Variants in ZBTB5 observed in about 807,000 individuals in gnomAD.
The protein encoded by ZBTB5 is zinc finger and BTB domain-containing protein 5.
Under a neutral mutation model 37.9 loss-of-function variants are expected in ZBTB5, and 15 were observed. The observed-to-expected ratio is 0.40, with a 90% CI of 0.26 to 0.61. ZBTB5 has a LOEUF of 0.61. Ranked by LOEUF, ZBTB5 falls within the 20% of genes least tolerant of loss-of-function variation. The pLI is 0.47. For synonymous variants in ZBTB5, 315 were observed against 312.4 expected (o/e 1.01, Z -0.09); for missense variants, 708 against 856.8 (o/e 0.83, Z 2.17).
At position 37,463,855 on chromosome 9, in the gene ZBTB5, C is replaced by CA. The variant is rs570438860; in HGVS notation, c.-5+1359dup. The stretch of plus-strand genomic sequence containing the variant: ...TAAACGAGTTGACTTCAGGACTCTT[C>CA]AAAAAAAGAGTCTGTTTATTCAGCA... On this transcript the variant is annotated intron_variant, in intron 1 of 1. Coordinates refer to ENST00000307750, the MANE Select transcript of ZBTB5 (RefSeq NM_014872.3). Among the ~76,000 whole-genome samples the CA allele has an allele frequency of 6.7e-4, 102 of 152,078 alleles. 1 individual carries two copies. Among genetic ancestry groups the CA allele is most frequent in the African/African-American group, 2.1e-3 (88 of 41,492 alleles).
intron 1 of ZBTB5, among the ~76,000 whole-genome samples, chr9:37,450,470 G>GTAA (rs1392956929): frequency 6.6e-6 from 1 of 152,172 alleles, no homozygotes; most frequent in Admixed American, 6.5e-5. Context: ...AGAAGAATGA[G>GTAA]TAATATGCAT....
At chr9:37,448,713 G>C (rs1450509263) in intron 1 of ZBTB5, among the ~76,000 whole-genome samples, 1 of 152,172 alleles carries the variant, frequency 6.6e-6, no homozygotes, top group Non-Finnish European at 1.5e-5. Context: ...AATTAAAACA[G>C]AAAATTTAAA....
chr9:37,445,090 T>A (rs1588776034), intron 1 of ZBTB5, among the ~76,000 whole-genome samples: 1 of 147,704 alleles, frequency 6.8e-6, no homozygotes. Flanking sequence ...AATGATTAAC[T>A]CCAGGAAAAA....
intron 1 of ZBTB5, among the ~76,000 whole-genome samples, chr9:37,459,811 T>C (rs1308188678): frequency 6.6e-6 from 1 of 151,142 alleles, no homozygotes; most frequent in East Asian, 2.0e-4. Context: ...CCCGGGTTCA[T>C]GCCATTCTCC....
intron 1 of ZBTB5, among the ~76,000 whole-genome samples, chr9:37,457,699 T>A (rs982079492): frequency 2.0e-5 from 3 of 152,216 alleles, no homozygotes; most frequent in Admixed American, 2.0e-4. Flanking sequence ...AAAGAACCTC[T>A]CAATGGTTTG....
intron 1 of ZBTB5, among the ~76,000 whole-genome samples, chr9:37,453,844 G>C (rs1395050941): frequency 6.6e-6 from 1 of 152,186 alleles, no homozygotes; most frequent in African/African-American, 2.4e-5. Context: ...TCTCAACCCA[G>C]ATTACAAACT....
intron 1 of ZBTB5, among the ~76,000 whole-genome samples, chr9:37,465,013 C>G (rs547126166): frequency 6.6e-6 from 1 of 152,160 alleles, no homozygotes; most frequent in East Asian, 1.9e-4. Flanking sequence ...CGTCGGGACA[C>G]CGGGGACGCC....
intron 1 of ZBTB5, among the ~76,000 whole-genome samples, chr9:37,457,543 A>G (rs1824213818): frequency 6.6e-6 from 1 of 152,244 alleles, no homozygotes; most frequent in Non-Finnish European, 1.5e-5. Flanking sequence ...CTAATGTTTT[A>G]AAGTGCTTAC....
At position 37,449,109 on chromosome 9, in the gene ZBTB5, G is replaced by A. The variant is rs138962219; in HGVS notation, c.-4-6554C>T. On this transcript the variant is annotated intron_variant, in intron 1 of 1. Coordinates refer to ENST00000307750, the MANE Select transcript of ZBTB5 (RefSeq NM_014872.3). ...ACATTTTAATAAACAACTGGGCCGG[G>A]CACGGTGGCTTACACCTGTAAAACT... is the stretch of plus-strand genomic sequence containing the variant. Among the ~76,000 whole-genome samples the A allele has an allele frequency of 3.2e-3, 483 of 152,266 alleles. 3 individuals carry two copies. The highest frequency in any genetic ancestry group is 0.011 in the African/African-American group (464 of 41,552).
intron 1 of ZBTB5, among the ~76,000 whole-genome samples, chr9:37,451,683 C>A (rs1381464226): frequency 2.0e-5 from 3 of 150,724 alleles, no homozygotes; most frequent in African/African-American, 7.3e-5. Flanking sequence ...TTAGAAAAAA[C>A]TGTCATTATC....
At chr9:37,451,294 C>T (rs1824098583) in intron 1 of ZBTB5, among the ~76,000 whole-genome samples, 1 of 152,106 alleles carries the variant, frequency 6.6e-6, no homozygotes, top group South Asian at 2.1e-4. Flanking sequence ...TGGCTAGGCA[C>T]GGTGGCTCAC....
chr9:37,444,387 CAG>C (rs1008098760), intron 1 of ZBTB5, among the ~76,000 whole-genome samples: 5 of 152,054 alleles, frequency 3.3e-5, no homozygotes, highest in East Asian at 3.9e-4. Flanking sequence ...TTAGTAGAGA[CAG>C]GGGTTTTACC....
At chr9:37,444,258 G>A (rs1368224916) in intron 1 of ZBTB5, among the ~76,000 whole-genome samples, 1 of 152,180 alleles carries the variant, frequency 6.6e-6, no homozygotes, top group Non-Finnish European at 1.5e-5. Context: ...GAGTACAGTG[G>A]CGCAATGTCG....
At position 37,445,440 on chromosome 9, in the gene ZBTB5, T is replaced by C. The variant is rs1212794695; in HGVS notation, c.-4-2885A>G. Among the ~76,000 whole-genome samples the C allele has an allele frequency of 6.6e-5, 10 of 151,800 alleles. 1 individual carries two copies. The East Asian group carries it at 1.7e-3, about 26-fold the overall frequency. On this transcript the variant is annotated intron_variant, in intron 1 of 1. Transcript: ENST00000307750. ...GGTGGGTCCCTTGAGCCCCCAGGAG[T>C]TCAAGACCAGCCTGGGCAACATGGG...
intron 1 of ZBTB5, among the ~76,000 whole-genome samples, chr9:37,451,374 C>G (rs1157504821): frequency 6.6e-6 from 1 of 151,918 alleles, no homozygotes; most frequent in Non-Finnish European, 1.5e-5. Flanking sequence ...TGAGACCAGC[C>G]TGACCAACAT....
intron 1 of ZBTB5, among the ~76,000 whole-genome samples, chr9:37,450,316 A>C (rs766201121): frequency 2.0e-5 from 3 of 152,210 alleles, no homozygotes; most frequent in Non-Finnish European, 2.9e-5. Flanking sequence ...CTGCTTCAAA[A>C]AAAAAGCAAG....
rs1357970789 is a variant in ZBTB5 at position 37,442,447 on chromosome 9, A to G, written c.105T>C (p.Phe35=). 1.2e-6 allele frequency: 2 copies of G among 1,613,972 alleles called. No individual in the cohort carries two copies. Among genetic ancestry groups the G allele is most frequent in the African/African-American group, 1.3e-5 (1 of 74,882 alleles). The change falls in exon 2 of 2, where the codon TTT becomes TTC. Residue 35 remains phenylalanine, a synonymous_variant. Coordinates refer to ENST00000307750, the MANE Select transcript of ZBTB5 (RefSeq NM_014872.3). ...DCVIVVGNRH[F]KAHRSVLAAC... Reference sequence around the variant, plus strand: ...CTGCCAGCACGGAGCGGTGGGCTTTAAAGTGTCTATTCCCCACTACAATGA... The same window carrying G: ...CTGCCAGCACGGAGCGGTGGGCTTTGAAGTGTCTATTCCCCACTACAATGA...
chr9:37,462,562 GTTT>G (rs372165548), intron 1 of ZBTB5, among the ~76,000 whole-genome samples: 1 of 132,444 alleles, frequency 7.6e-6, no homozygotes, highest in Non-Finnish European at 1.6e-5. Flanking sequence ...TGCTTTAACC[GTTT>G]TTTTTTTTTT....
At chr9:37,443,210 G>T (rs1823917765) in intron 1 of ZBTB5, among the ~76,000 whole-genome samples, 1 of 152,006 alleles carries the variant, frequency 6.6e-6, no homozygotes, top group African/African-American at 2.4e-5. Flanking sequence ...AATTAGCCAG[G>T]CATGGTGGTG....
Sources: gnomAD v4.1 joint callset for allele counts (sites outside exome capture counted in the v4.1 genomes callset) on GRCh38, gnomAD v4.1.1 for gene constraint, MANE v1.5 for transcripts, NCBI Gene and HGNC (gene_info 2026-07-23, HGNC 2026-07-21) for gene names.